The following OXR1 variants were observed in gnomAD, a reference collection of about 807,000 sequenced individuals.
The protein encoded by OXR1 is oxidation resistance protein 1.
Under a neutral mutation model 104.6 loss-of-function variants are expected in OXR1, and 41 were observed. The observed-to-expected ratio is 0.39, with a 90% CI of 0.31 to 0.51. The LOEUF (loss-of-function observed/expected upper bound fraction) is 0.51. Ranked by LOEUF, OXR1 falls within the 20% of genes least tolerant of loss-of-function variation. The probability of loss-of-function intolerance (pLI) is 0.77; values close to 1 mark genes in which losing one functional copy is unlikely to be tolerated. For missense variants in OXR1, 955 were observed against 1,031.9 expected, an observed-to-expected ratio of 0.93 and a Z score of 1.02; for synonymous variants, 348 against 348.4, an observed-to-expected ratio of 1.00 and a Z score of 0.01.
At chr8:106,746,479 A>C (rs1055648983) in intron 16 of OXR1, among the ~76,000 whole-genome samples, 1 of 151,802 alleles carries the variant, frequency 6.6e-6, no homozygotes, top group Non-Finnish European at 1.5e-5. Flanking sequence ...GCAAGCAACA[A>C]CTCCTTCCTT....
intron 2 of OXR1, among the ~76,000 whole-genome samples, chr8:106,458,757 C>G (rs1452258041): frequency 1.3e-5 from 2 of 152,068 alleles, no homozygotes; most frequent in African/African-American, 4.8e-5. Context: ...CAGGTTAATT[C>G]TGGAACTATG....
intron 15 of OXR1, among the ~76,000 whole-genome samples, chr8:106,743,575 C>T (rs573723124): frequency 1.7e-3 from 253 of 152,328 alleles, no homozygotes; most frequent in Non-Finnish European, 2.2e-3. Flanking sequence ...CCCTCCTCGG[C>T]CTCCCAGAGT....
At chr8:106,669,433 GGTTTT>G (rs1267176283) in intron 3 of OXR1, among the ~76,000 whole-genome samples, 10 of 151,842 alleles carry the variant, frequency 6.6e-5, no homozygotes, top group Non-Finnish European at 1.5e-4. Flanking sequence ...AAAATTGAGG[GGTTTT>G]GTTTTGTTTT....
intron 11 of OXR1, among the ~76,000 whole-genome samples, chr8:106,728,756 A>G (rs1226077971): frequency 6.6e-6 from 1 of 152,180 alleles, no homozygotes; most frequent in Non-Finnish European, 1.5e-5. Context: ...GTGTCTGTCA[A>G]TAAGTCGTAA....
chr8:106,277,410 C>T (rs935815775), intron 1 of OXR1, among the ~76,000 whole-genome samples: 1 of 152,218 alleles, frequency 6.6e-6, no homozygotes, highest in Non-Finnish European at 1.5e-5. Flanking sequence ...ATGTCTGGCA[C>T]CCTCTTTGTC....
At chr8:106,562,157 A>G (rs577931586) in intron 3 of OXR1, among the ~76,000 whole-genome samples, 2 of 152,274 alleles carry the variant, frequency 1.3e-5, no homozygotes, top group African/African-American at 4.8e-5. Context: ...TCAGAAGATG[A>G]GTAATAACAA....
intron 3 of OXR1, among the ~76,000 whole-genome samples, chr8:106,522,036 T>G (rs1447837191): frequency 6.6e-6 from 1 of 152,148 alleles, no homozygotes; most frequent in Non-Finnish European, 1.5e-5. Context: ...AGCAATGAAG[T>G]TTCATACTAT....
intron 11 of OXR1, among the ~76,000 whole-genome samples, chr8:106,732,533 G>C (rs998314683): frequency 1.3e-5 from 2 of 152,008 alleles, no homozygotes; most frequent in African/African-American, 4.8e-5. Context: ...TTTAATACAT[G>C]TTCTTTATCC....
chr8:106,394,304 TAA>T (rs571838717), intron 2 of OXR1, among the ~76,000 whole-genome samples: 18 of 134,806 alleles, frequency 1.3e-4, no homozygotes, highest in Middle Eastern at 3.8e-3. Flanking sequence ...GTTAGAATGG[TAA>T]AAAAAAAAAA....
At chr8:106,436,557 G>C (rs888864415) in intron 2 of OXR1, among the ~76,000 whole-genome samples, 4 of 151,848 alleles carry the variant, frequency 2.6e-5, no homozygotes, top group African/African-American at 9.7e-5. Context: ...GTTTTCTTCA[G>C]GACCTTACAA....
At chr8:106,609,245 G>A (rs1007782711) in intron 3 of OXR1, among the ~76,000 whole-genome samples, 3 of 151,962 alleles carry the variant, frequency 2.0e-5, no homozygotes, top group Non-Finnish European at 2.9e-5. Context: ...TCTCAAAAAA[G>A]TAATAATAAT....
At chr8:106,420,446 G>A (rs1018134747) in intron 2 of OXR1, among the ~76,000 whole-genome samples, 1 of 151,366 alleles carries the variant, frequency 6.6e-6, no homozygotes, top group Non-Finnish European at 1.5e-5. Context: ...TAGGGTTTTT[G>A]TCATTAAGTA....
intron 7 of OXR1, among the ~76,000 whole-genome samples, chr8:106,695,768 T>C (rs1405848815): frequency 6.6e-6 from 1 of 151,910 alleles, no homozygotes; most frequent in African/African-American, 2.4e-5. Flanking sequence ...AAAGGATCCC[T>C]AACTTTTAAA....
At chr8:106,540,848 A>G (rs1814903476) in intron 3 of OXR1, among the ~76,000 whole-genome samples, 1 of 152,204 alleles carries the variant, frequency 6.6e-6, no homozygotes, top group African/African-American at 2.4e-5. Flanking sequence ...CTCATTCACT[A>G]TCACGAGAAC....
chr8:106,588,254 C>T (rs985209439), intron 3 of OXR1, among the ~76,000 whole-genome samples: 11 of 151,962 alleles, frequency 7.2e-5, no homozygotes, highest in East Asian at 3.9e-4. Flanking sequence ...CCACCGCATC[C>T]GGCCAACAAT....
chr8:106,596,474 C>A (rs1227272946), intron 3 of OXR1, among the ~76,000 whole-genome samples: 2 of 151,778 alleles, frequency 1.3e-5, no homozygotes, highest in Non-Finnish European at 2.9e-5. Flanking sequence ...TATGAAGAGC[C>A]CTGCCATCAA....
At chr8:106,435,368 A>C (rs1433469872) in intron 2 of OXR1, among the ~76,000 whole-genome samples, 1 of 152,136 alleles carries the variant, frequency 6.6e-6, no homozygotes. Flanking sequence ...TGAACATAGA[A>C]AATGACAGAA....
intron 3 of OXR1, among the ~76,000 whole-genome samples, chr8:106,583,853 C>G (rs1412823118): frequency 1.3e-5 from 2 of 152,096 alleles, no homozygotes; most frequent in African/African-American, 4.8e-5. Context: ...CCAGCTCAAT[C>G]AGAGCATGCT....
At chr8:106,314,531 T>G (rs1284219773) in intron 1 of OXR1, among the ~76,000 whole-genome samples, 1 of 152,228 alleles carries the variant, frequency 6.6e-6, no homozygotes, top group Non-Finnish European at 1.5e-5. Context: ...TTATAGGCTA[T>G]TTACCTCAGT....
Sources: gnomAD v4.1 joint callset for allele counts (sites outside exome capture counted in the v4.1 genomes callset) on GRCh38, gnomAD v4.1.1 for gene constraint, MANE v1.5 for transcripts, NCBI Gene and HGNC (gene_info 2026-07-23, HGNC 2026-07-21) for gene names.